Variants in SCHIP1 observed in about 807,000 individuals in gnomAD.
The protein encoded by SCHIP1 is schwannomin interacting protein 1.
SCHIP1 carries 8 observed loss-of-function variants against 29.7 expected under a neutral mutation model. The observed-to-expected ratio is 0.27, with a 90% CI of 0.16 to 0.49. The LOEUF is 0.49. SCHIP1 is among the 20% of genes least tolerant of loss of function. The pLI, the probability that SCHIP1 is intolerant of heterozygous loss-of-function variation, is 0.99. For synonymous variants in SCHIP1, 76 were observed against 94.9 expected (o/e 0.80, Z 1.16); for missense variants, 193 against 294.6 (o/e 0.66, Z 2.52).
chr3:159,468,215 T>G, the SCHIP1 span, among the ~76,000 whole-genome samples: 68 of 152,272 alleles, frequency 4.5e-4, no homozygotes, highest in Non-Finnish European at 9.0e-4. Context: ...GTAATTTCCT[T>G]AAATCATTGT....
chr3:159,626,056 A>G, the SCHIP1 span, among the ~76,000 whole-genome samples: 2 of 150,368 alleles, frequency 1.3e-5, no homozygotes, highest in South Asian at 4.2e-4. Flanking sequence ...TAAAACTAAG[A>G]CTGAAGGCTT....
At chr3:159,348,314 G>A in the SCHIP1 span, among the ~76,000 whole-genome samples, 2 of 152,206 alleles carry the variant, frequency 1.3e-5, no homozygotes, top group East Asian at 3.9e-4. Context: ...ATCTTTAGAA[G>A]TCAGATATTT....
At chr3:159,662,688 T>C in the SCHIP1 span, among the ~76,000 whole-genome samples, 1 of 152,314 alleles carries the variant, frequency 6.6e-6, no homozygotes, top group Admixed American at 6.5e-5. Context: ...TCAAAATTCC[T>C]AGTTTCCTAT....
chr3:159,815,121 G>A, the SCHIP1 span, among the ~76,000 whole-genome samples: 1 of 152,184 alleles, frequency 6.6e-6, no homozygotes, highest in African/African-American at 2.4e-5. Context: ...GTCATGTTGA[G>A]AAGACCTGTC....
At chr3:159,428,945 A>T in the SCHIP1 span, among the ~76,000 whole-genome samples, 1 of 151,952 alleles carries the variant, frequency 6.6e-6, no homozygotes. Context: ...CTATCGCAAG[A>T]ACAAAAAGCC....
the SCHIP1 span, among the ~76,000 whole-genome samples, chr3:159,369,154 A>G: frequency 6.6e-6 from 1 of 152,176 alleles, no homozygotes; most frequent in Non-Finnish European, 1.5e-5. Context: ...AAATTGTATG[A>G]TATCAATGAC....
the SCHIP1 span, among the ~76,000 whole-genome samples, chr3:159,478,709 A>G: frequency 1.3e-5 from 2 of 152,188 alleles, no homozygotes; most frequent in African/African-American, 4.8e-5. Flanking sequence ...ACCCATGAGC[A>G]TGAAATATCT....
chr3:159,811,275 A>G, the SCHIP1 span, among the ~76,000 whole-genome samples: 1 of 152,160 alleles, frequency 6.6e-6, no homozygotes, highest in Non-Finnish European at 1.5e-5. Context: ...TGTTTCTTGA[A>G]GCACAAAAGT....
chr3:159,470,741 G>A, the SCHIP1 span, among the ~76,000 whole-genome samples: 1 of 151,986 alleles, frequency 6.6e-6, no homozygotes, highest in Non-Finnish European at 1.5e-5. Context: ...TTCATCAACT[G>A]TCGAACCAAA....
At chr3:159,475,289 T>C in the SCHIP1 span, among the ~76,000 whole-genome samples, 1 of 152,154 alleles carries the variant, frequency 6.6e-6, no homozygotes, top group African/African-American at 2.4e-5. Context: ...TGGATGAACC[T>C]TGAAAATTAT....
the SCHIP1 span, among the ~76,000 whole-genome samples, chr3:159,798,385 G>A: frequency 6.6e-6 from 1 of 152,128 alleles, no homozygotes; most frequent in African/African-American, 2.4e-5. Context: ...GGCAATGTGT[G>A]TACCTGGCTC....
chr3:159,891,838 TCTC>T (rs771411270), intron 5 of SCHIP1, among the ~76,000 whole-genome samples: 4 of 152,170 alleles, frequency 2.6e-5, no homozygotes, highest in Non-Finnish European at 5.9e-5. Context: ...AACAAGCTGT[TCTC>T]CTAACAGCTA....
At chr3:159,732,171 C>A in the SCHIP1 span, among the ~76,000 whole-genome samples, 2 of 152,216 alleles carry the variant, frequency 1.3e-5, no homozygotes, top group South Asian at 4.1e-4. Flanking sequence ...ATTAAATTGC[C>A]TACTATGTGC....
At chr3:159,533,143 G>A in the SCHIP1 span, among the ~76,000 whole-genome samples, 1 of 152,106 alleles carries the variant, frequency 6.6e-6, no homozygotes, top group Admixed American at 6.6e-5. Context: ...GAGAAGTGGT[G>A]TAAAGGAAAA....
the SCHIP1 span, among the ~76,000 whole-genome samples, chr3:159,738,258 A>AT: frequency 5.9e-5 from 9 of 151,984 alleles, no homozygotes; most frequent in African/African-American, 9.7e-5. Flanking sequence ...ATTACAAAAA[A>AT]AAAAAATAAA....
chr3:159,398,924 C>CTT, the SCHIP1 span: 1 of 979,986 alleles, frequency 1.0e-6, no homozygotes, highest in Non-Finnish European at 1.2e-6. Flanking sequence ...CTATACAGAA[C>CTT]TTAAATTTGT....
the SCHIP1 span, among the ~76,000 whole-genome samples, chr3:159,833,090 A>G: frequency 2.0e-5 from 3 of 152,348 alleles, no homozygotes; most frequent in Non-Finnish European, 4.4e-5. Context: ...TGTATACCAC[A>G]TGGATAAGGA....
the SCHIP1 span, among the ~76,000 whole-genome samples, chr3:159,469,046 A>T: frequency 6.6e-6 from 1 of 151,960 alleles, no homozygotes; most frequent in Non-Finnish European, 1.5e-5. Flanking sequence ...GATTACAGGC[A>T]TCAGCCACTG....
the SCHIP1 span, among the ~76,000 whole-genome samples, chr3:159,643,746 T>C: frequency 2.6e-5 from 4 of 152,274 alleles, no homozygotes; most frequent in African/African-American, 9.6e-5. Flanking sequence ...CATTTTTTCC[T>C]ATGATCCACC....
Sources: allele counts gnomAD v4.1 joint callset (sites outside exome capture counted in the v4.1 genomes callset), GRCh38; gene constraint gnomAD v4.1.1; transcripts MANE v1.5; gene names NCBI Gene and HGNC (gene_info 2026-07-23, HGNC 2026-07-21).